SEL1L3: variants seen among roughly 807,000 people sequenced by gnomAD.
The protein encoded by SEL1L3 is protein sel-1 homolog 3.
In SEL1L3, 76 loss-of-function variants were observed where a neutral mutation model predicts 142.8. The ratio of observed to expected loss-of-function variants is 0.53; its 90% CI spans 0.44 to 0.64. SEL1L3 has a LOEUF of 0.64. Ranked by LOEUF, SEL1L3 falls within the 30% of genes least tolerant of loss-of-function variation. The pLI is 0.00. For missense variants in SEL1L3, 1,262 were observed against 1,381.7 expected (o/e 0.91, Z 1.37); for synonymous variants, 504 against 519.6 (o/e 0.97, Z 0.41).
At chr4:25,793,919 T>C (rs1577613583) in intron 11 of SEL1L3, among the ~76,000 whole-genome samples, 1 of 152,192 alleles carries the variant, frequency 6.6e-6, no homozygotes, top group East Asian at 1.9e-4. Context: ...AAACAAGCAA[T>C]GGAGAAAGGA....
At chr4:25,795,887 T>G (rs575593214) in intron 11 of SEL1L3, among the ~76,000 whole-genome samples, 3 of 149,960 alleles carry the variant, frequency 2.0e-5, no homozygotes, top group Non-Finnish European at 4.4e-5. Flanking sequence ...AACAGTTTTG[T>G]GGGCAGGAAA....
the SEL1L3 span, among the ~76,000 whole-genome samples, chr4:25,742,242 G>A: frequency 2.6e-5 from 4 of 152,144 alleles, no homozygotes; most frequent in African/African-American, 9.7e-5. Context: ...CTGGAGTGAA[G>A]TAGCACAATC....
At chr4:25,857,786 G>T (rs190830582) in intron 1 of SEL1L3, among the ~76,000 whole-genome samples, 5 of 152,214 alleles carry the variant, frequency 3.3e-5, no homozygotes, top group African/African-American at 1.2e-4. Context: ...ACCTGTCACC[G>T]CTTTCTGGCT....
downstream of SEL1L3, among the ~76,000 whole-genome samples, chr4:25,745,654 G>C (rs1717239407): frequency 6.6e-6 from 1 of 152,316 alleles, no homozygotes. Flanking sequence ...TTCATTAGAG[G>C]CCAGAGATGC....
At chr4:25,749,432 TAAA>T (rs762138543) in intron 23 of SEL1L3, among the ~76,000 whole-genome samples, 5 of 152,200 alleles carry the variant, frequency 3.3e-5, no homozygotes, top group Admixed American at 6.5e-5. Context: ...TGCCACCATT[TAAA>T]TCTTTGGTAA....
At chr4:25,800,868 T>C (rs1713137753) in intron 11 of SEL1L3, among the ~76,000 whole-genome samples, 1 of 152,242 alleles carries the variant, frequency 6.6e-6, no homozygotes, top group Admixed American at 6.5e-5. Context: ...ACTGACAGCA[T>C]ATCTTCAAGT....
chr4:25,798,266 C>T (rs1325659624), intron 11 of SEL1L3, among the ~76,000 whole-genome samples: 1 of 152,172 alleles, frequency 6.6e-6, no homozygotes, highest in Non-Finnish European at 1.5e-5. Context: ...GAATCAACAT[C>T]TCTAGAATGG....
At chr4:25,806,938 C>T (rs1432704840) in intron 9 of SEL1L3, among the ~76,000 whole-genome samples, 1 of 151,676 alleles carries the variant, frequency 6.6e-6, no homozygotes, top group Non-Finnish European at 1.5e-5. Context: ...TCTTTAATAA[C>T]GAAGATTAAA....
chr4:25,760,417 A>C (rs1718297064), intron 20 of SEL1L3, among the ~76,000 whole-genome samples: 1 of 152,176 alleles, frequency 6.6e-6, no homozygotes, highest in Admixed American at 6.5e-5. Context: ...AACGATTTAT[A>C]TTCCTTTGGG....
chr4:25,862,606 C>T (rs1000908276), intron 1 of SEL1L3, 69 bp downstream of exon 1: 5 of 882,764 alleles, frequency 5.7e-6, no homozygotes, highest in Non-Finnish European at 7.4e-6. Flanking sequence ...CGGGTGTCCC[C>T]GGCCGCCCCC....
chr4:25,813,620 T>G (rs1033227742), intron 9 of SEL1L3, among the ~76,000 whole-genome samples: 1 of 152,192 alleles, frequency 6.6e-6, no homozygotes, highest in Admixed American at 6.5e-5. Context: ...AAAAAAGTCG[T>G]GGAGCTCTGT....
chr4:25,808,939 G>A (rs189054966), intron 9 of SEL1L3, among the ~76,000 whole-genome samples: 55 of 142,150 alleles, frequency 3.9e-4, no homozygotes, highest in Admixed American at 8.5e-4. Flanking sequence ...AGGGTGTGGT[G>A]GCGAGTGCCT....
chr4:25,776,950 T>C (rs1020489143), intron 16 of SEL1L3, among the ~76,000 whole-genome samples: 8 of 151,426 alleles, frequency 5.3e-5, no homozygotes, highest in African/African-American at 7.3e-5. Context: ...AAATGGTATA[T>C]TTAAAACCAA....
intron 16 of SEL1L3, among the ~76,000 whole-genome samples, chr4:25,777,063 A>C (rs1382776651): frequency 6.6e-6 from 1 of 152,088 alleles, no homozygotes; most frequent in Non-Finnish European, 1.5e-5. Context: ...AAAAATTAAA[A>C]AATACAAATA....
intron 23 of SEL1L3, chr4:25,756,757 C>G (rs1177530676): frequency 3.5e-6 from 4 of 1,154,152 alleles, no homozygotes; most frequent in African/African-American, 1.6e-5. Flanking sequence ...TGCTCAGTCC[C>G]TCCCTCTGAG....
the SEL1L3 span, among the ~76,000 whole-genome samples, chr4:25,716,943 A>G: frequency 1.3e-5 from 2 of 152,100 alleles, no homozygotes; most frequent in African/African-American, 2.4e-5. Flanking sequence ...CCTGGTCAAC[A>G]TGGTGAAACC....
intron 14 of SEL1L3, among the ~76,000 whole-genome samples, chr4:25,782,943 G>A (rs1343390500): frequency 6.6e-6 from 1 of 152,200 alleles, no homozygotes; most frequent in Non-Finnish European, 1.5e-5. Context: ...AGTGGGTTCA[G>A]GGTCTGGGAG....
intron 1 of SEL1L3, among the ~76,000 whole-genome samples, chr4:25,850,857 GTT>G (rs530598915): frequency 6.8e-6 from 1 of 146,118 alleles, no homozygotes; most frequent in Non-Finnish European, 1.5e-5. Context: ...TTGTTTGTTT[GTT>G]TTTTTTTTTG....
chr4:25,841,917 G>A (rs774663073), intron 2 of SEL1L3, among the ~76,000 whole-genome samples: 10 of 152,128 alleles, frequency 6.6e-5, no homozygotes, highest in African/African-American at 2.2e-4. Context: ...CTGAGATCGC[G>A]CCACTGCACT....
Sources: allele counts gnomAD v4.1 joint callset (sites outside exome capture counted in the v4.1 genomes callset), GRCh38; gene constraint gnomAD v4.1.1; transcripts MANE v1.5; gene names NCBI Gene and HGNC (gene_info 2026-07-23, HGNC 2026-07-21).